The following CCDC171 variants were observed in gnomAD, a reference collection of about 807,000 sequenced individuals.
The protein encoded by CCDC171 is coiled-coil domain containing 171.
Under a neutral mutation model 168.2 loss-of-function variants are expected in CCDC171, and 177 were observed. The ratio of observed to expected loss-of-function variants is 1.05; its 90% CI spans 0.93 to 1.19. The LOEUF is 1.19. Among genes scored for constraint, CCDC171 ranks in the 50% most tolerant of loss-of-function variants. The pLI is 0.00. For synonymous variants in CCDC171, 687 were observed against 540.8 expected, an observed-to-expected ratio of 1.27 and a Z score of -3.75; for missense variants, 1,991 against 1,539.0, an observed-to-expected ratio of 1.29 and a Z score of -4.91.
At chr9:16,089,516 A>G in the CCDC171 span, among the ~76,000 whole-genome samples, 1 of 151,576 alleles carries the variant, frequency 6.6e-6, no homozygotes, top group Non-Finnish European at 1.5e-5. Flanking sequence ...TTTAGGTCTT[A>G]TGTTTAAGTC....
intron 24 of CCDC171, among the ~76,000 whole-genome samples, chr9:15,908,652 A>T (rs1447053591): frequency 2.6e-5 from 4 of 151,648 alleles, no homozygotes; most frequent in African/African-American, 7.3e-5. Context: ...GTTAAAGTAT[A>T]AAAAAAAAGA....
chr9:15,875,680 A>G (rs1817743138), intron 24 of CCDC171: 1 of 151,972 alleles, frequency 6.6e-6, no homozygotes. Flanking sequence ...TAGAAAATTA[A>G]TGTCAGTGTG....
At chr9:15,891,107 C>T (rs1008600539) in intron 24 of CCDC171, among the ~76,000 whole-genome samples, 6 of 152,036 alleles carry the variant, frequency 3.9e-5, no homozygotes, top group African/African-American at 1.4e-4. Flanking sequence ...GTTTTTAGCA[C>T]CTCTGTCCAA....
chr9:16,008,665 C>T (rs1422490115), intron 3 of CCDC171, among the ~76,000 whole-genome samples: 2 of 152,316 alleles, frequency 1.3e-5, no homozygotes, highest in African/African-American at 4.8e-5. Flanking sequence ...CTCCTTGCAT[C>T]GCTGGGCCCC....
At chr9:15,898,842 A>G (rs559656921) in intron 24 of CCDC171, among the ~76,000 whole-genome samples, 3 of 152,290 alleles carry the variant, frequency 2.0e-5, no homozygotes, top group South Asian at 2.1e-4. Context: ...TGGCATTAGT[A>G]CAATGGGTAA....
intron 7 of CCDC171, among the ~76,000 whole-genome samples, chr9:15,633,739 G>C (rs1019252363): frequency 1.3e-5 from 2 of 152,110 alleles, no homozygotes; most frequent in Non-Finnish European, 2.9e-5. Context: ...GTTTATTGTG[G>C]CACTATTCAG....
At chr9:15,789,875 G>T (rs918993428) in intron 21 of CCDC171, among the ~76,000 whole-genome samples, 44 of 151,494 alleles carry the variant, frequency 2.9e-4, no homozygotes, top group African/African-American at 1.1e-3. Context: ...CCCTGCAATA[G>T]TTTGCTGAGA....
rs563605063 is a variant in CCDC171, at chr9:15,877,603, G to C, written c.3600+2940G>C. Among the ~76,000 whole-genome samples the C allele has an allele frequency of 4.6e-5, 7 of 152,140 alleles. No homozygotes were observed. The East Asian group carries it at 1.4e-3, about 30-fold the overall frequency. On this transcript the variant is annotated intron_variant, in intron 24 of 25. Coordinates refer to ENST00000380701, the MANE Select transcript of CCDC171 (RefSeq NM_173550.4). Reference sequence around the variant, plus strand: ...GAAACCTTTCGTTTAAGTTCCTGCAGCAAATTTAAACCTATACTAGTGTTT... The same window carrying C: ...GAAACCTTTCGTTTAAGTTCCTGCACCAAATTTAAACCTATACTAGTGTTT...
At chr9:15,887,475 GA>G (rs200313487) in intron 24 of CCDC171, among the ~76,000 whole-genome samples, 1,871 of 152,122 alleles carry the variant, frequency 0.012, 35 homozygotes, top group African/African-American at 0.043. Context: ...ACTCACTGAA[GA>G]AAACATTAAA....
chr9:15,817,973 C>T lies in CCDC171; in HGVS notation c.3268-28729C>T, dbSNP rs2059623068. The stretch of plus-strand genomic sequence containing the variant: ...AGGGGCAGACTGACACCTCACACGG[C>T]CGGGTACTCCTCTGAGACAAAACTT... On this transcript the variant is annotated intron_variant, in intron 21 of 25. Transcript: ENST00000380701. Among the ~76,000 whole-genome samples, 2 of 116,960 alleles carry T rather than the reference C, an allele frequency of 1.7e-5. 1 individual carries two copies. Among genetic ancestry groups the T allele is most frequent in the Non-Finnish European group, 3.8e-5 (2 of 52,038 alleles). 76.7% of individuals were successfully genotyped at this position (116,960 alleles called of 152,430 possible). A position where few individuals can be genotyped will look rare whatever the true frequency, so the allele number is the denominator to read the frequency against.
At chr9:16,032,088 A>T (rs546054114) in intron 6 of CCDC171, among the ~76,000 whole-genome samples, 1 of 152,322 alleles carries the variant, frequency 6.6e-6, no homozygotes, top group East Asian at 1.9e-4. Flanking sequence ...TATGCATGAC[A>T]TGCATGGATG....
chr9:15,906,024 A>G (rs148352158), intron 24 of CCDC171, among the ~76,000 whole-genome samples: 1,720 of 151,442 alleles, frequency 0.011, 37 homozygotes, highest in African/African-American at 0.039. Flanking sequence ...AATTGAGGCA[A>G]TAATTATTAG....
intron 1 of CCDC171, among the ~76,000 whole-genome samples, chr9:16,044,371 G>A (rs1182370636): frequency 2.0e-5 from 3 of 151,932 alleles, no homozygotes; most frequent in Admixed American, 6.6e-5. Context: ...AATTGTATAC[G>A]TTGGGTTGTT....
intron 6 of CCDC171, among the ~76,000 whole-genome samples, chr9:15,617,893 G>A (rs548506421): frequency 1.2e-4 from 19 of 152,280 alleles, no homozygotes; most frequent in African/African-American, 4.6e-4. Context: ...TGTCCCAGAG[G>A]GGCAGCAGCC....
chr9:15,766,759 G>A (rs1034127445), intron 18 of CCDC171, among the ~76,000 whole-genome samples: 1 of 152,098 alleles, frequency 6.6e-6, no homozygotes, highest in Non-Finnish European at 1.5e-5. Flanking sequence ...GGGCCCAAGG[G>A]ATCCTCCTGC....
chr9:16,056,924 G>T (rs1459363680), intron 1 of CCDC171, among the ~76,000 whole-genome samples: 1 of 152,194 alleles, frequency 6.6e-6, no homozygotes, highest in African/African-American at 2.4e-5. Flanking sequence ...ATGTAGAAAT[G>T]AGTTTGGATT....
chr9:15,824,066 A>C (rs1295023219), intron 21 of CCDC171, among the ~76,000 whole-genome samples: 2 of 152,032 alleles, frequency 1.3e-5, no homozygotes, highest in Non-Finnish European at 2.9e-5. Context: ...CAGTGGAGAA[A>C]ATTTTTTTCC....
At chr9:15,617,445 C>T (rs1228829416) in intron 6 of CCDC171, among the ~76,000 whole-genome samples, 1 of 149,792 alleles carries the variant, frequency 6.7e-6, no homozygotes, top group Non-Finnish European at 1.5e-5. Flanking sequence ...GGCGTGATCT[C>T]GGCTCACTGC....
chr9:15,781,366 C>T (rs1466796269), intron 20 of CCDC171, among the ~76,000 whole-genome samples: 3 of 152,050 alleles, frequency 2.0e-5, no homozygotes, highest in African/African-American at 4.8e-5. Flanking sequence ...TGAGGAAGTG[C>T]AGGAATAAAA....
Sources: allele counts gnomAD v4.1 joint callset (sites outside exome capture counted in the v4.1 genomes callset), GRCh38; gene constraint gnomAD v4.1.1; transcripts MANE v1.5; gene names NCBI Gene and HGNC (gene_info 2026-07-23, HGNC 2026-07-21).